The following NLK variants were observed in gnomAD, a reference collection of about 807,000 sequenced individuals.
NLK encodes nemo like kinase.
NLK carries 11 observed loss-of-function variants against 59.0 expected under a neutral mutation model. The ratio of observed to expected loss-of-function variants is 0.19; its 90% CI spans 0.12 to 0.31. NLK has a LOEUF of 0.31. Among genes scored for constraint, NLK ranks in the 10% least tolerant of loss-of-function variants. NLK has a pLI of 1.00. For missense variants in NLK, 410 were observed against 661.1 expected (o/e 0.62, Z 4.16); for synonymous variants, 235 against 235.9 (o/e 1.00, Z 0.03).
At chr17:28,055,165 T>G (rs1909397868) in intron 1 of NLK, among the ~76,000 whole-genome samples, 1 of 150,770 alleles carries the variant, frequency 6.6e-6, no homozygotes, top group Non-Finnish European at 1.5e-5. Flanking sequence ...TGATCTTGGC[T>G]CACTGCAGCC....
chr17:28,176,151 C>T (rs936511821), intron 7 of NLK, among the ~76,000 whole-genome samples: 1 of 152,098 alleles, frequency 6.6e-6, no homozygotes, highest in African/African-American at 2.4e-5. Flanking sequence ...CCTAGTAATC[C>T]TCAGTGATGC....
chr17:28,167,422 G>A (rs1908284091), intron 5 of NLK, among the ~76,000 whole-genome samples: 1 of 149,972 alleles, frequency 6.7e-6, no homozygotes, highest in Non-Finnish European at 1.5e-5. Context: ...TTAATTGTTT[G>A]TAGAGTTGAG....
At chr17:28,139,204 G>C (rs190442823) in intron 3 of NLK, among the ~76,000 whole-genome samples, 1 of 152,044 alleles carries the variant, frequency 6.6e-6, no homozygotes, top group Non-Finnish European at 1.5e-5. Context: ...TGCAGTGATC[G>C]TGCCACTGCA....
chr17:28,120,026 G>A lies in NLK; in HGVS notation c.459-2577G>A, dbSNP rs535958121. ...CTAGATTAGAGAATACCAAAGAGAC[G>A]TGACAGTTGAATACAGTGTGTGATC... On this transcript the variant is annotated intron_variant, in intron 1 of 10. Coordinates refer to ENST00000407008, the MANE Select transcript of NLK (RefSeq NM_016231.5). Among the ~76,000 whole-genome samples, 43 of 152,266 alleles carry A rather than the reference G, an allele frequency of 2.8e-4. 2 individuals carry two copies. In the East Asian group the frequency reaches 6.2e-3, roughly 22 times the overall value.
intron 1 of NLK, among the ~76,000 whole-genome samples, chr17:28,083,060 CT>C (rs1445583161): frequency 6.6e-6 from 1 of 152,202 alleles, no homozygotes; most frequent in Admixed American, 6.5e-5. Context: ...TTTTCCCACA[CT>C]GTTCTTATGA....
At chr17:28,129,693 ATATTCTTATTCT>A (rs577332721) in intron 2 of NLK, among the ~76,000 whole-genome samples, 3 of 152,098 alleles carry the variant, frequency 2.0e-5, no homozygotes, top group African/African-American at 4.8e-5. Flanking sequence ...TGTGTTCCTT[ATATTCTTATTCT>A]TATTCTTATT....
At position 28,158,097 on chromosome 17, in the gene NLK, C is replaced by G. The variant is rs554979145; in HGVS notation, c.645-3063C>G. Among the ~76,000 whole-genome samples the G allele has an allele frequency of 1.4e-4, 22 of 152,200 alleles. 1 individual carries two copies. The South Asian group carries it at 4.6e-3, about 32-fold the overall frequency. On this transcript the variant is annotated intron_variant, in intron 3 of 10. Transcript: ENST00000407008. ...AAAGTAAAGCTGTGCAAGGTGATAG[C>G]AAATGGATAGGGAGTACAGGTTGTT...
chr17:28,129,041 A>G (rs1463890561), intron 2 of NLK, among the ~76,000 whole-genome samples: 3 of 152,254 alleles, frequency 2.0e-5, no homozygotes, highest in East Asian at 3.8e-4. Flanking sequence ...AGTAAATGAA[A>G]GAATCTATAC....
chr17:28,176,340 T>G (rs1163093953), intron 7 of NLK, among the ~76,000 whole-genome samples: 1 of 152,248 alleles, frequency 6.6e-6, no homozygotes, highest in East Asian at 1.9e-4. Flanking sequence ...AAACTAAGCT[T>G]CTTTCAAGTA....
At chr17:28,105,005 G>A (rs76298618) in intron 1 of NLK, among the ~76,000 whole-genome samples, 10 of 152,048 alleles carry the variant, frequency 6.6e-5, no homozygotes, top group African/African-American at 1.7e-4. Context: ...TTTGACTCCC[G>A]TTTTAGTTTT....
chr17:28,090,020 G>C (rs1189691967), intron 1 of NLK, among the ~76,000 whole-genome samples: 1 of 152,142 alleles, frequency 6.6e-6, no homozygotes, highest in Non-Finnish European at 1.5e-5. Context: ...GTCTTTTGAA[G>C]AGCAGAAGTT....
At chr17:28,157,985 C>A (rs556145900) in intron 3 of NLK, among the ~76,000 whole-genome samples, 1 of 152,114 alleles carries the variant, frequency 6.6e-6, no homozygotes, top group South Asian at 2.1e-4. Flanking sequence ...AGCAGACAAC[C>A]CTTGCCTTTA....
intron 9 of NLK, among the ~76,000 whole-genome samples, chr17:28,191,637 T>A (rs1909311026): frequency 6.6e-6 from 1 of 152,176 alleles, no homozygotes; most frequent in Non-Finnish European, 1.5e-5. Context: ...TGTGGCAGGA[T>A]CTCCTATTGG....
At chr17:28,120,629 A>G (rs1441926639) in intron 1 of NLK, among the ~76,000 whole-genome samples, 2 of 152,168 alleles carry the variant, frequency 1.3e-5, no homozygotes, top group African/African-American at 4.8e-5. Context: ...AATAATAATA[A>G]TAGATAATAC....
chr17:28,197,480 A>AC (rs1412319585), downstream of NLK, among the ~76,000 whole-genome samples: 1 of 151,996 alleles, frequency 6.6e-6, no homozygotes, highest in African/African-American at 2.4e-5. Context: ...AAAAAAAAAA[A>AC]AAAACAGAAA....
chr17:28,120,321 T>C (rs1233275801), intron 1 of NLK, among the ~76,000 whole-genome samples: 2 of 151,746 alleles, frequency 1.3e-5, no homozygotes, highest in African/African-American at 2.4e-5. Context: ...TTGCCTAGAC[T>C]GGTCTCAAAC....
intron 1 of NLK, among the ~76,000 whole-genome samples, chr17:28,090,901 CT>C (rs1904469960): frequency 6.6e-6 from 1 of 151,870 alleles, no homozygotes; most frequent in African/African-American, 2.4e-5. Context: ...AGATTTTTCT[CT>C]TTATCAGTGG....
At chr17:28,171,848 C>T (rs1908474146) in intron 6 of NLK, among the ~76,000 whole-genome samples, 1 of 152,058 alleles carries the variant, frequency 6.6e-6, no homozygotes, top group South Asian at 2.1e-4. Flanking sequence ...CATGCAGACT[C>T]CCAAATTGCT....
chr17:28,203,826 T>C, the NLK span, among the ~76,000 whole-genome samples: 1 of 152,230 alleles, frequency 6.6e-6, no homozygotes, highest in African/African-American at 2.4e-5. Context: ...CATGAGCCAC[T>C]GCGCCCGGCC....
Sources: gnomAD v4.1 joint callset for allele counts (sites outside exome capture counted in the v4.1 genomes callset) on GRCh38, gnomAD v4.1.1 for gene constraint, MANE v1.5 for transcripts, NCBI Gene and HGNC (gene_info 2026-07-23, HGNC 2026-07-21) for gene names.